RSU1: variants seen among roughly 807,000 people sequenced by gnomAD.
RSU1 encodes the protein Ras suppressor protein 1.
A neutral mutation model predicts 31.1 loss-of-function variants in RSU1; 26 were observed. The observed-to-expected ratio is 0.84, with a 90% CI of 0.61 to 1.16. The LOEUF is 1.16. Among genes scored for constraint, RSU1 ranks in the 50% most tolerant of loss-of-function variants. The probability of loss-of-function intolerance (pLI) is 0.00; values close to 1 mark genes in which losing one functional copy is unlikely to be tolerated. For synonymous variants in RSU1, 164 were observed against 136.3 expected, an observed-to-expected ratio of 1.20 and a Z score of -1.41; for missense variants, 320 against 339.1, an observed-to-expected ratio of 0.94 and a Z score of 0.44.
At chr10:16,645,869 T>TATATTCCAGAAAGCAGTTTCTGGAACC (rs1834530744) in intron 8 of RSU1, among the ~76,000 whole-genome samples, 1 of 122,250 alleles carries the variant, frequency 8.2e-6, no homozygotes, top group African/African-American at 3.9e-5. Context: ...TACGTATATA[T>TATATTCCAGAAAGCAGTTTCTGGAACC]ACATATATGT....
At chr10:16,685,208 C>A (rs1363869529) in intron 8 of RSU1, among the ~76,000 whole-genome samples, 1 of 152,200 alleles carries the variant, frequency 6.6e-6, no homozygotes, top group Non-Finnish European at 1.5e-5. Flanking sequence ...CGAGATCGCA[C>A]CACCGCACTC....
chr10:16,660,898 C>T (rs1343132676), intron 8 of RSU1, among the ~76,000 whole-genome samples: 2 of 152,026 alleles, frequency 1.3e-5, no homozygotes, highest in African/African-American at 4.8e-5. Flanking sequence ...CCACCCACTG[C>T]AAACCTCCCA....
intron 2 of RSU1, among the ~76,000 whole-genome samples, chr10:16,809,814 A>T (rs1838364850): frequency 6.7e-6 from 1 of 149,930 alleles, no homozygotes; most frequent in African/African-American, 2.4e-5. Flanking sequence ...TTATAATGGC[A>T]AAGCAGTGAG....
rs150466874 is a variant in RSU1 at position 16,624,536 on chromosome 10, T to TA, written c.732-31041dup. ...CCCTTGTGCCCCAGACTCCCAGGGG[T>TA]ATGATACCCTCCCATCACTTACACT... On this transcript the variant is annotated intron_variant, in intron 8 of 8. Coordinates refer to ENST00000345264, the MANE Select transcript of RSU1 (RefSeq NM_012425.4). Among the ~76,000 whole-genome samples the TA allele has an allele frequency of 4.0e-3, 606 of 152,176 alleles. 6 individuals carry two copies. The highest frequency in any genetic ancestry group is 0.014 in the African/African-American group (586 of 41,526).
intron 7 of RSU1, among the ~76,000 whole-genome samples, chr10:16,731,772 G>A (rs2131600963): frequency 6.6e-6 from 1 of 151,638 alleles, no homozygotes; most frequent in East Asian, 1.9e-4. Context: ...TATAGGCTTG[G>A]TCATTGATCT....
At chr10:16,753,765 G>T (rs1301445135) in intron 5 of RSU1, among the ~76,000 whole-genome samples, 2 of 152,010 alleles carry the variant, frequency 1.3e-5, no homozygotes, top group Non-Finnish European at 2.9e-5. Flanking sequence ...TACATGTTTT[G>T]TTTACCCGTA....
chr10:16,743,305 T>G (rs1163107747), intron 7 of RSU1, among the ~76,000 whole-genome samples: 4 of 152,140 alleles, frequency 2.6e-5, no homozygotes, highest in Non-Finnish European at 5.9e-5. Context: ...ATTAGGAAGA[T>G]CTGAACTAAA....
chr10:16,809,276 A>G (rs529947145), intron 2 of RSU1, among the ~76,000 whole-genome samples: 1 of 152,340 alleles, frequency 6.6e-6, no homozygotes, highest in Admixed American at 6.5e-5. Context: ...GGCCACATGC[A>G]AGGCAGCTGT....
intron 7 of RSU1, among the ~76,000 whole-genome samples, chr10:16,749,637 G>A (rs1210792737): frequency 2.6e-5 from 4 of 152,066 alleles, no homozygotes; most frequent in Non-Finnish European, 5.9e-5. Context: ...AACCAAAGAC[G>A]ATCCCATCCT....
rs375665374 is a variant in RSU1, at chr10:16,675,481, T to C, written c.731+19542A>G. On this transcript the variant is annotated intron_variant, in intron 8 of 8. Transcript: ENST00000345264. ...TTTCTTTTTCTTTTCAGGCAGGTAT[T>C]GCTCTGTGGACAGTAACAAGGGGAA... 3.3e-5 allele frequency among the ~76,000 whole-genome samples: 5 copies of C among 152,298 alleles called. No homozygotes were observed. In the East Asian group the frequency reaches 7.7e-4, roughly 24 times the overall value.
intron 8 of RSU1, among the ~76,000 whole-genome samples, chr10:16,662,774 T>C (rs1834912266): frequency 6.6e-6 from 1 of 152,220 alleles, no homozygotes; most frequent in African/African-American, 2.4e-5. Flanking sequence ...TACAGACTTA[T>C]TTTAATTACA....
At chr10:16,599,170 T>G (rs968384380) in intron 8 of RSU1, among the ~76,000 whole-genome samples, 1 of 152,240 alleles carries the variant, frequency 6.6e-6, no homozygotes, top group Non-Finnish European at 1.5e-5. Context: ...TCAGTGCCAT[T>G]GAAAGACAAC....
intron 2 of RSU1, among the ~76,000 whole-genome samples, chr10:16,804,713 C>T (rs1182687569): frequency 6.6e-6 from 1 of 152,184 alleles, no homozygotes; most frequent in Non-Finnish European, 1.5e-5. Flanking sequence ...AGTAGCCAAT[C>T]TGTAGAGGCT....
chr10:16,602,011 A>G (rs1833721916), intron 8 of RSU1, among the ~76,000 whole-genome samples: 1 of 152,202 alleles, frequency 6.6e-6, no homozygotes, highest in African/African-American at 2.4e-5. Context: ...GAGGCCTGAG[A>G]TAAGCCTTTC....
chr10:16,631,558 C>T (rs886362120), intron 8 of RSU1, among the ~76,000 whole-genome samples: 9 of 152,204 alleles, frequency 5.9e-5, no homozygotes, highest in African/African-American at 1.7e-4. Flanking sequence ...TGGGCCACCA[C>T]GACTTAACAA....
At chr10:16,725,972 TAC>T (rs979358261) in intron 7 of RSU1, among the ~76,000 whole-genome samples, 10 of 151,414 alleles carry the variant, frequency 6.6e-5, no homozygotes, top group Non-Finnish European at 1.2e-4. Context: ...CAGTTTAAAA[TAC>T]AGTTATATAT....
At chr10:16,810,873 T>C (rs554952367) in intron 2 of RSU1, among the ~76,000 whole-genome samples, 19 of 152,070 alleles carry the variant, frequency 1.2e-4, no homozygotes, top group Non-Finnish European at 2.2e-4. Flanking sequence ...ATTACAAAAA[T>C]TTGCCGGCAG....
intron 8 of RSU1, among the ~76,000 whole-genome samples, chr10:16,678,620 G>C (rs565642040): frequency 2.0e-5 from 3 of 152,082 alleles, no homozygotes; most frequent in Non-Finnish European, 2.9e-5. Flanking sequence ...TACATTCATG[G>C]GGAAGTAAAA....
chr10:16,766,897 T>C (rs56121088), intron 3 of RSU1, among the ~76,000 whole-genome samples: 53,774 of 150,646 alleles, frequency 0.36, 12,218 homozygotes, highest in African/African-American at 0.66. Flanking sequence ...TGGTGGCGCA[T>C]GCCTGTAGTT....
Sources: gnomAD v4.1 joint callset for allele counts (sites outside exome capture counted in the v4.1 genomes callset) on GRCh38, gnomAD v4.1.1 for gene constraint, MANE v1.5 for transcripts, NCBI Gene and HGNC (gene_info 2026-07-23, HGNC 2026-07-21) for gene names.